The following STAP1 variants were observed in gnomAD, a reference collection of about 807,000 sequenced individuals.
STAP1 encodes the protein signal transducing adaptor family member 1, also known as signal-transducing adaptor protein 1.
In STAP1, 30 loss-of-function variants were observed where a neutral mutation model predicts 37.8. The observed-to-expected ratio is 0.79, with a 90% CI of 0.59 to 1.08. The LOEUF (loss-of-function observed/expected upper bound fraction) is 1.08. Ranked by LOEUF, STAP1 falls within the 50% of genes least tolerant of loss-of-function variation. The pLI is 0.00. For synonymous variants in STAP1, 130 were observed against 116.0 expected, an observed-to-expected ratio of 1.12 and a Z score of -0.78; for missense variants, 357 against 349.4, an observed-to-expected ratio of 1.02 and a Z score of -0.17.
At chr4:67,584,164 G>C (rs1727931409) in intron 6 of STAP1, among the ~76,000 whole-genome samples, 1 of 150,998 alleles carries the variant, frequency 6.6e-6, no homozygotes, top group Non-Finnish European at 1.5e-5. Context: ...GCTAAAGACT[G>C]AGCCAATGCT....
chr4:67,583,815 G>A, intron 6 of STAP1, 113 bp downstream of exon 6: 4 of 1,311,402 alleles, frequency 3.1e-6, no homozygotes, highest in Non-Finnish European at 4.1e-6. Context: ...ATGAACACAA[G>A]TGGCCGGGTG....
chr4:67,566,661 G>A (rs951165291), intron 1 of STAP1, among the ~76,000 whole-genome samples: 5 of 152,136 alleles, frequency 3.3e-5, no homozygotes, highest in Admixed American at 6.5e-5. Flanking sequence ...CACCCTGGCA[G>A]TACTGAGCAG....
intron 4 of STAP1, among the ~76,000 whole-genome samples, chr4:67,578,656 A>G (rs1727781103): frequency 6.6e-6 from 1 of 152,178 alleles, no homozygotes; most frequent in African/African-American, 2.4e-5. Context: ...CAAGGAGTAC[A>G]CTAAAAACTC....
rs554845737 is a variant in STAP1, at chr4:67,603,696, G to T, written c.827-2600G>T. 2.6e-5 allele frequency among the ~76,000 whole-genome samples: 4 copies of T among 152,246 alleles called. No individual in the cohort carries two copies. In the East Asian group the frequency reaches 7.7e-4, roughly 29 times the overall value. Reference sequence around the variant, plus strand: ...CCAGAAGCTAGGGCCTGAAATGGAGGCCTCATGACTCTGCCTGATGCCCTG... The same window carrying T: ...CCAGAAGCTAGGGCCTGAAATGGAGTCCTCATGACTCTGCCTGATGCCCTG... On this transcript the variant is annotated intron_variant, in intron 8 of 8. Coordinates refer to ENST00000265404, the MANE Select transcript of STAP1 (RefSeq NM_012108.4).
At position 67,570,711 on chromosome 4, in the gene STAP1, A is replaced by AAAGG. The variant is rs550191954; in HGVS notation, c.121-356_121-353dup. Among the ~76,000 whole-genome samples the AAAGG allele has an allele frequency of 3.1e-3, 474 of 150,680 alleles. 3 individuals are homozygous for AAAGG. The highest frequency in any genetic ancestry group is 0.011 in the African/African-American group (455 of 41,104). On this transcript the variant is annotated intron_variant, in intron 1 of 8. Coordinates refer to ENST00000265404, the MANE Select transcript of STAP1 (RefSeq NM_012108.4). ...GAGAAGGAAAGAAAGAAAGAAAGAGAAAGGAAGGAAGGAAGGAAGGGAGAA... is the reference window on the plus strand; with the variant it reads ...GAGAAGGAAAGAAAGAAAGAAAGAGAAAGGAAGGAAGGAAGGAAGGAAGGGAGAA...
At chr4:67,591,520 T>G (rs1024423429) in intron 7 of STAP1, among the ~76,000 whole-genome samples, 4 of 152,228 alleles carry the variant, frequency 2.6e-5, no homozygotes, top group African/African-American at 9.6e-5. Flanking sequence ...ATTTACACTG[T>G]TCTGAACCAA....
At chr4:67,592,628 C>T (rs1029950999) in intron 7 of STAP1, among the ~76,000 whole-genome samples, 10 of 152,170 alleles carry the variant, frequency 6.6e-5, no homozygotes, top group Non-Finnish European at 1.3e-4. Context: ...TGTTCTTCTA[C>T]TCAAGTTCAA....
At chr4:67,589,959 G>A (rs1258045205) in intron 6 of STAP1, among the ~76,000 whole-genome samples, 1 of 151,986 alleles carries the variant, frequency 6.6e-6, no homozygotes, top group East Asian at 1.9e-4. Flanking sequence ...ATGCCACCAT[G>A]CCTGGCTAAT....
intron 8 of STAP1, among the ~76,000 whole-genome samples, chr4:67,595,101 A>G (rs1263702650): frequency 3.9e-5 from 6 of 152,176 alleles, no homozygotes; most frequent in Non-Finnish European, 8.8e-5. Flanking sequence ...AAAATCACAA[A>G]GACTATTTTC....
At chr4:67,580,278 A>AT (rs1443089419) in intron 4 of STAP1, among the ~76,000 whole-genome samples, 1 of 151,586 alleles carries the variant, frequency 6.6e-6, no homozygotes, top group African/African-American at 2.4e-5. Flanking sequence ...CCATTATTTC[A>AT]TTTTTTTCTG....
chr4:67,606,480 C>CA lies in STAP1; in HGVS notation c.*123_*124insA. On this transcript the variant is annotated 3_prime_UTR_variant, in exon 9 of 9. Transcript: ENST00000265404. Reference sequence around the variant, plus strand: ...GATTACCAAGTCATTCACCTGAACACCAGAATTAGAATTAAACATTGTACC... The same window carrying CA: ...GATTACCAAGTCATTCACCTGAACACACAGAATTAGAATTAAACATTGTACC... 2 of 775,346 alleles carry CA rather than the reference C, an allele frequency of 2.6e-6. No individual in the cohort carries two copies. Among genetic ancestry groups the CA allele is most frequent in the East Asian group, 5.6e-5 (2 of 35,630 alleles). The allele number at this position is 775,346 out of a possible 1,614,324, so 48.0% of individuals were successfully genotyped here.
rs1169566140 is a variant in STAP1 at position 67,600,210 on chromosome 4, ATTTG to A, written c.827-6082_827-6079del. Among the ~76,000 whole-genome samples the A allele has an allele frequency of 2.6e-5, 4 of 151,988 alleles. No individual in the cohort carries two copies. The East Asian group carries it at 5.8e-4, about 22-fold the overall frequency. ...TTTGGTCTCTTGAATTGCCATTTTG[ATTTG>A]TTTCAAGAAATTTTTAAATTTCCTT... On this transcript the variant is annotated intron_variant, in intron 8 of 8. Transcript: ENST00000265404.
intron 5 of STAP1, among the ~76,000 whole-genome samples, chr4:67,582,497 A>G (rs951743270): frequency 2.0e-5 from 3 of 151,914 alleles, no homozygotes; most frequent in African/African-American, 7.3e-5. Flanking sequence ...TTGTAGAGAC[A>G]GGGTTTTGCC....
intron 8 of STAP1, among the ~76,000 whole-genome samples, chr4:67,598,828 T>A (rs1728277531): frequency 6.6e-6 from 1 of 152,188 alleles, no homozygotes; most frequent in Admixed American, 6.5e-5. Flanking sequence ...TGTGCTTGTG[T>A]CTTACTCAAA....
chr4:67,582,301 G>GTTTTT (rs368595773), intron 5 of STAP1, among the ~76,000 whole-genome samples: 1 of 148,060 alleles, frequency 6.8e-6, no homozygotes. Context: ...TAACATTTTA[G>GTTTTT]TTTTTTTTTT....
intron 1 of STAP1, among the ~76,000 whole-genome samples, chr4:67,569,078 C>A (rs1727540285): frequency 6.6e-6 from 1 of 152,124 alleles, no homozygotes; most frequent in Non-Finnish European, 1.5e-5. Flanking sequence ...GATGGTATAG[C>A]CTATTACACA....
chr4:67,588,134 T>C (rs181178438), intron 6 of STAP1, among the ~76,000 whole-genome samples: 1 of 151,982 alleles, frequency 6.6e-6, no homozygotes, highest in African/African-American at 2.4e-5. Flanking sequence ...CAATCTTGTT[T>C]TTTTCATCTC....
At chr4:67,575,521 C>A in intron 3 of STAP1, 23 bp downstream of exon 3, 1 of 1,522,188 alleles carries the variant, frequency 6.6e-7, no homozygotes, top group Non-Finnish European at 9.1e-7. Flanking sequence ...AAACAGTAGT[C>A]TGTAAAGGGT....
intron 8 of STAP1, among the ~76,000 whole-genome samples, chr4:67,602,691 T>TC (rs912757108): frequency 6.6e-6 from 1 of 152,132 alleles, no homozygotes; most frequent in East Asian, 1.9e-4. Flanking sequence ...TCCCTTACTT[T>TC]CCCCCCAACA....
Sources: gnomAD v4.1 joint callset for allele counts (sites outside exome capture counted in the v4.1 genomes callset) on GRCh38, gnomAD v4.1.1 for gene constraint, MANE v1.5 for transcripts, NCBI Gene and HGNC (gene_info 2026-07-23, HGNC 2026-07-21) for gene names.